ZBBX: variants seen among roughly 807,000 people sequenced by gnomAD.
The protein encoded by ZBBX is zinc finger B-box domain-containing protein 1.
A neutral mutation model predicts 108.5 loss-of-function variants in ZBBX; 101 were observed. The ratio of observed to expected loss-of-function variants is 0.93; its 90% CI spans 0.79 to 1.10. The LOEUF (loss-of-function observed/expected upper bound fraction) is 1.10. ZBBX is among the 50% of genes least tolerant of loss of function. ZBBX has a pLI of 0.00. For missense variants in ZBBX, 1,009 were observed against 941.4 expected (o/e 1.07, Z -0.94); for synonymous variants, 356 against 323.4 (o/e 1.10, Z -1.08).
At chr3:167,271,954 A>G (rs1369015109) in intron 20 of ZBBX, among the ~76,000 whole-genome samples, 1 of 152,228 alleles carries the variant, frequency 6.6e-6, no homozygotes, top group Non-Finnish European at 1.5e-5. Context: ...GACTCAGACA[A>G]TGGAACCCAT....
chr3:167,334,003 A>G lies in ZBBX; in HGVS notation c.529-18T>C, dbSNP rs778834255. On this transcript the variant is annotated intron_variant, in intron 9 of 21. Coordinates refer to ENST00000675490, the MANE Select transcript of ZBBX (RefSeq NM_001199201.2). Reference sequence around the variant, plus strand: ...GATTTTGCCTATTAAAAAAGTAACAATATAATTAAAGCGCCTCATATGTTA... The same window carrying G: ...GATTTTGCCTATTAAAAAAGTAACAGTATAATTAAAGCGCCTCATATGTTA... 1.3e-6 allele frequency: 2 copies of G among 1,493,322 alleles called. No homozygotes were observed. The highest frequency in any genetic ancestry group is 1.8e-6 in the Non-Finnish European group (2 of 1,115,704). 92.5% of individuals were successfully genotyped at this position (1,493,322 alleles called of 1,614,324 possible).
the ZBBX span, among the ~76,000 whole-genome samples, chr3:167,216,738 T>A: frequency 1.3e-5 from 2 of 152,132 alleles, no homozygotes; most frequent in African/African-American, 4.8e-5. Flanking sequence ...AAGGCTACAG[T>A]GACCAAAATA....
intron 18 of ZBBX, among the ~76,000 whole-genome samples, chr3:167,292,872 C>T (rs1193606724): frequency 2.6e-5 from 4 of 152,090 alleles, no homozygotes; most frequent in African/African-American, 9.7e-5. Context: ...GGGGATATCA[C>T]CACCGATCCC....
chr3:167,243,442 G>T (rs747146144), intron 20 of ZBBX, among the ~76,000 whole-genome samples: 7 of 151,356 alleles, frequency 4.6e-5, no homozygotes, highest in Non-Finnish European at 1.0e-4. Context: ...CTTGTTGCCT[G>T]GGCTGGAGTG....
chr3:167,339,188 A>G (rs1281053976), intron 9 of ZBBX, among the ~76,000 whole-genome samples: 1 of 152,122 alleles, frequency 6.6e-6, no homozygotes, highest in Non-Finnish European at 1.5e-5. Context: ...TCTTACAACT[A>G]AAGCCAAAAT....
In ZBBX at chr3:167,328,127, G is replaced by C; in HGVS notation, c.688-11C>G. On this transcript the variant is annotated splice_polypyrimidine_tract_variant and intron_variant, in intron 10 of 21. Coordinates refer to ENST00000675490, the MANE Select transcript of ZBBX (RefSeq NM_001199201.2). ...CGTTGTAATTTCTACCTAATTAAAA[G>C]GATACATAGGCATGCTTTATTAAAT... 1 of 1,593,652 alleles carries C rather than the reference G, an allele frequency of 6.3e-7. No homozygotes were observed. The highest frequency in any genetic ancestry group is 1.4e-5 in the African/African-American group (1 of 73,706).
At chr3:167,307,953 A>G (rs60933556) in intron 16 of ZBBX, among the ~76,000 whole-genome samples, 2,626 of 152,320 alleles carry the variant, frequency 0.017, 75 homozygotes, top group African/African-American at 0.06. Flanking sequence ...CAAAGCAAAA[A>G]TTGACAAATA....
rs1361335484 is a variant in ZBBX at position 167,328,107 on chromosome 3, T to C, written c.697A>G (p.Thr233Ala). 1.9e-6 allele frequency: 3 copies of C among 1,609,738 alleles called. No individual in the cohort carries two copies. Among genetic ancestry groups the C allele is most frequent in the Non-Finnish European group, 2.5e-6 (3 of 1,178,876 alleles). Residue 233 changes from threonine (T) to alanine (A), a missense_variant, in exon 11 of 22, where the codon ACA becomes GCA. Thr to Ala is a moderately conservative substitution (Grantham distance 58, BLOSUM62 0). Coordinates refer to ENST00000675490, the MANE Select transcript of ZBBX (RefSeq NM_001199201.2). ...LQRSSSEVEI[T>A]TMKRAQRTKP... Reference sequence around the variant, plus strand: ...GTACGTTGTGCTCTTTTCATCGTTGTAATTTCTACCTAATTAAAAGGATAC... The same window carrying C: ...GTACGTTGTGCTCTTTTCATCGTTGCAATTTCTACCTAATTAAAAGGATAC...
rs1270522096 is a variant in ZBBX at position 167,296,025 on chromosome 3, C to T, written c.1879+2280G>A. On this transcript the variant is annotated intron_variant, in intron 18 of 21. Transcript: ENST00000675490. ...CTTCAAAGTACAAGCAAACCAAATT[C>T]GGCAGCATATTAAAAACGGTTATAC... 3.3e-5 allele frequency among the ~76,000 whole-genome samples: 5 copies of T among 151,444 alleles called. No individual in the cohort carries two copies. The East Asian group carries it at 9.7e-4, about 29-fold the overall frequency.
At chr3:167,268,923 G>A (rs1195913750) in intron 20 of ZBBX, among the ~76,000 whole-genome samples, 1 of 152,272 alleles carries the variant, frequency 6.6e-6, no homozygotes, top group African/African-American at 2.4e-5. Context: ...TCCATCTAGA[G>A]GACCCAGACC....
At chr3:167,194,144 T>C in the ZBBX span, among the ~76,000 whole-genome samples, 2 of 151,474 alleles carry the variant, frequency 1.3e-5, no homozygotes, top group Non-Finnish European at 2.9e-5. Context: ...AAAGAAATGG[T>C]GAATGTTTGA....
the ZBBX span, among the ~76,000 whole-genome samples, chr3:167,197,712 T>C: frequency 1.3e-5 from 2 of 152,212 alleles, no homozygotes; most frequent in African/African-American, 4.8e-5. Context: ...ATGAGTCATA[T>C]TCCGAAAGTT....
At chr3:167,340,740 A>T (rs920860896) in intron 9 of ZBBX, among the ~76,000 whole-genome samples, 3 of 151,924 alleles carry the variant, frequency 2.0e-5, no homozygotes, top group African/African-American at 4.8e-5. Flanking sequence ...CTTTGGGCCA[A>T]CTGGAAAAGG....
chr3:167,275,702 A>T lies in ZBBX; in HGVS notation c.2254+6536T>A, dbSNP rs1221519116. Among the ~76,000 whole-genome samples the T allele has an allele frequency of 2.6e-5, 4 of 151,986 alleles. 1 individual carries two copies. The South Asian group carries it at 8.3e-4, about 32-fold the overall frequency. On this transcript the variant is annotated intron_variant, in intron 20 of 21. Coordinates refer to ENST00000675490, the MANE Select transcript of ZBBX (RefSeq NM_001199201.2). ...TGCAAGGTGGCAGCGAGGCTGGGGG[A>T]GGGGTGCCCGCCATTGCCCAGGCTT...
chr3:167,356,576 A>G (rs1743616378), intron 8 of ZBBX, among the ~76,000 whole-genome samples: 1 of 152,126 alleles, frequency 6.6e-6, no homozygotes, highest in Non-Finnish European at 1.5e-5. Context: ...TAAAATTGCA[A>G]ATGATGCTGC....
intron 9 of ZBBX, among the ~76,000 whole-genome samples, chr3:167,346,717 C>T (rs1741521236): frequency 6.6e-6 from 1 of 151,820 alleles, no homozygotes; most frequent in Non-Finnish European, 1.5e-5. Flanking sequence ...ACAAAAACCA[C>T]TACAAGATTG....
the ZBBX span, among the ~76,000 whole-genome samples, chr3:167,226,029 G>C: frequency 6.7e-6 from 1 of 150,172 alleles, no homozygotes; most frequent in South Asian, 2.1e-4. Flanking sequence ...TCATTCCCTT[G>C]GTCCAGCACA....
At chr3:167,322,841 C>T (rs1477916285) in intron 11 of ZBBX, among the ~76,000 whole-genome samples, 1 of 151,956 alleles carries the variant, frequency 6.6e-6, no homozygotes, top group African/African-American at 2.4e-5. Flanking sequence ...CGTATCGTTC[C>T]TGTCTCCAAA....
In ZBBX at chr3:167,273,303, G is replaced by A. The variant is rs573250282; in HGVS notation, c.2254+8935C>T. ...TTAAATAAAAGCAATTGTTATGCTC[G>A]TGCACATGGCTGGCCAGAGGCCCAG... On this transcript the variant is annotated intron_variant, in intron 20 of 21. Coordinates refer to ENST00000675490, the MANE Select transcript of ZBBX (RefSeq NM_001199201.2). Among the ~76,000 whole-genome samples, 124 of 152,238 alleles carry A rather than the reference G, an allele frequency of 8.1e-4. 3 individuals carry two copies. In the South Asian group the frequency reaches 0.024, roughly 30 times the overall value.
Sources: allele counts gnomAD v4.1 joint callset (sites outside exome capture counted in the v4.1 genomes callset), GRCh38; gene constraint gnomAD v4.1.1; transcripts MANE v1.5; gene names NCBI Gene and HGNC (gene_info 2026-07-23, HGNC 2026-07-21).